The following ADAM12 variants were observed in gnomAD, a reference collection of about 807,000 sequenced individuals.
The protein encoded by ADAM12 is disintegrin and metalloproteinase domain-containing protein 12.
In ADAM12, 70 loss-of-function variants were observed where a neutral mutation model predicts 106.4. The ratio of observed to expected loss-of-function variants is 0.66; its 90% confidence interval spans 0.54 to 0.80. The LOEUF (loss-of-function observed/expected upper bound fraction) is 0.80. Among genes scored for constraint, ADAM12 ranks in the 30% least tolerant of loss-of-function variants. The pLI, the probability that ADAM12 is intolerant of heterozygous loss-of-function variation, is 0.00. For missense variants in ADAM12, 1,010 were observed against 1,171.9 expected (o/e 0.86, Z 2.02); for synonymous variants, 420 against 433.5 (o/e 0.97, Z 0.39).
chr10:126,218,938 C>A (rs1355462183), intron 3 of ADAM12, among the ~76,000 whole-genome samples: 2 of 152,210 alleles, frequency 1.3e-5, no homozygotes, highest in Non-Finnish European at 2.9e-5. Context: ...CTGCATCACG[C>A]CTGACCTCGT....
At chr10:126,149,485 A>G (rs1956690315) in intron 4 of ADAM12, among the ~76,000 whole-genome samples, 1 of 152,194 alleles carries the variant, frequency 6.6e-6, no homozygotes, top group Admixed American at 6.5e-5. Flanking sequence ...AAGGATGCAA[A>G]GTATTATTCC....
intron 3 of ADAM12, among the ~76,000 whole-genome samples, chr10:126,274,377 C>T (rs183046308): frequency 6.6e-6 from 1 of 152,334 alleles, no homozygotes; most frequent in African/African-American, 2.4e-5. Flanking sequence ...AGGTGGCAGT[C>T]ACCTTTTTAG....
At chr10:126,208,381 T>C (rs933400947) in intron 3 of ADAM12, among the ~76,000 whole-genome samples, 2 of 152,088 alleles carry the variant, frequency 1.3e-5, no homozygotes, top group African/African-American at 4.8e-5. Flanking sequence ...CAAGAGTCAA[T>C]AGGGCTGAGG....
At chr10:126,324,409 A>G (rs531449189) in intron 2 of ADAM12, among the ~76,000 whole-genome samples, 2 of 152,284 alleles carry the variant, frequency 1.3e-5, no homozygotes, top group Admixed American at 1.3e-4. Context: ...GCTAAGATGT[A>G]GGGGTGGGGG....
intron 14 of ADAM12, among the ~76,000 whole-genome samples, chr10:126,051,273 A>G (rs1158500532): frequency 6.6e-6 from 1 of 152,130 alleles, no homozygotes; most frequent in Non-Finnish European, 1.5e-5. Context: ...CAATTCAACA[A>G]TTGTTTGTGT....
chr10:126,086,333 G>A (rs1590389155), intron 11 of ADAM12, among the ~76,000 whole-genome samples: 2 of 151,920 alleles, frequency 1.3e-5, no homozygotes, highest in East Asian at 3.9e-4. Context: ...TACTTAGGTC[G>A]GTCTGGAAAA....
Position 126,157,560 on chromosome 10 carries a change from A to G in ADAM12, c.261-2255T>C, listed in dbSNP as rs186247068. Among the ~76,000 whole-genome samples the G allele has an allele frequency of 6.7e-3, 1,025 of 152,324 alleles. 14 individuals are homozygous for G. The highest frequency in any genetic ancestry group is 0.023 in the African/African-American group (937 of 41,566). The stretch of plus-strand genomic sequence containing the variant: ...CCTGGCTTAAATCAGTTAGACCCCG[A>G]TGGCAGGTCTCCGCTGCAGTCTACT... On this transcript the variant is annotated intron_variant, in intron 3 of 22. Coordinates refer to ENST00000448723, the MANE Select transcript of ADAM12 (RefSeq NM_001288973.2).
In ADAM12 at chr10:126,278,897, A is replaced by T; in HGVS notation, c.260+18T>A. ...TCTTAACTTTCTCCTATCATGCAAT[A>T]AACAAGAATTAACTTACTCATTTCT... On this transcript the variant is annotated intron_variant, in intron 3 of 22. Transcript: ENST00000448723. 6.3e-7 allele frequency: 1 copy of T among 1,582,504 alleles called. No individual in the cohort carries two copies. Among genetic ancestry groups the T allele is most frequent in the Non-Finnish European group, 8.7e-7 (1 of 1,154,612 alleles).
At chr10:126,369,965 T>C (rs1856052884) in intron 1 of ADAM12, among the ~76,000 whole-genome samples, 1 of 152,228 alleles carries the variant, frequency 6.6e-6, no homozygotes, top group Non-Finnish European at 1.5e-5. Flanking sequence ...TTGCAGATTA[T>C]ATTGCCTTCT....
chr10:126,366,863 A>G (rs1428080606), intron 1 of ADAM12, among the ~76,000 whole-genome samples: 1 of 152,140 alleles, frequency 6.6e-6, no homozygotes, highest in Non-Finnish European at 1.5e-5. Context: ...AAACAGGTCA[A>G]TTCGTCAAGA....
intron 3 of ADAM12, among the ~76,000 whole-genome samples, chr10:126,159,038 A>G (rs564398667): frequency 1.4e-4 from 21 of 152,278 alleles, no homozygotes; most frequent in South Asian, 1.2e-3. Flanking sequence ...GGCTGGGCAC[A>G]GTGGCTCACG....
chr10:126,280,969 C>T (rs1171412625), intron 2 of ADAM12, among the ~76,000 whole-genome samples: 1 of 152,086 alleles, frequency 6.6e-6, no homozygotes, highest in East Asian at 1.9e-4. Context: ...AAACATGCAC[C>T]ATTTCTTTGT....
chr10:126,264,934 C>T (rs1157547933), intron 3 of ADAM12, among the ~76,000 whole-genome samples: 1 of 152,132 alleles, frequency 6.6e-6, no homozygotes, highest in East Asian at 1.9e-4. Context: ...AAAATTAGGT[C>T]TCTGTAGAGC....
intron 2 of ADAM12, among the ~76,000 whole-genome samples, chr10:126,326,285 G>A (rs1223968728): frequency 1.3e-5 from 2 of 151,846 alleles, no homozygotes; most frequent in African/African-American, 4.8e-5. Context: ...GTTGAACACT[G>A]TTATTTGTAA....
At chr10:126,223,165 G>C (rs1487853127) in intron 3 of ADAM12, among the ~76,000 whole-genome samples, 2 of 152,102 alleles carry the variant, frequency 1.3e-5, no homozygotes, top group Non-Finnish European at 2.9e-5. Context: ...ACAATTTGGG[G>C]GAAGACTTTT....
At chr10:126,359,067 G>C (rs1444691021) in intron 1 of ADAM12, among the ~76,000 whole-genome samples, 2 of 152,164 alleles carry the variant, frequency 1.3e-5, no homozygotes, top group Non-Finnish European at 2.9e-5. Flanking sequence ...GAGAGCCTGT[G>C]CAGGGAAACT....
rs529739248 is a variant in ADAM12 at position 126,385,321 on chromosome 10, C to T, written c.88+2737G>A. Among the ~76,000 whole-genome samples the T allele has an allele frequency of 4.6e-5, 7 of 152,252 alleles. No individual in the cohort carries two copies. The South Asian group carries it at 6.2e-4, about 14-fold the overall frequency. Reference sequence around the variant, plus strand: ...TTGGCGATCAAGTCAACCTTCAATCCGTCTCCCCTCCCTGGAGGTTGCAAG... The same window carrying T: ...TTGGCGATCAAGTCAACCTTCAATCTGTCTCCCCTCCCTGGAGGTTGCAAG... On this transcript the variant is annotated intron_variant, in intron 1 of 22. Coordinates refer to ENST00000448723, the MANE Select transcript of ADAM12 (RefSeq NM_001288973.2).
At chr10:126,211,229 C>T (rs983735061) in intron 3 of ADAM12, among the ~76,000 whole-genome samples, 1 of 152,134 alleles carries the variant, frequency 6.6e-6, no homozygotes, top group African/African-American at 2.4e-5. Context: ...TATACAGAAC[C>T]CATCATTGAG....
rs1294826675 is a variant in ADAM12 at position 126,019,762 on chromosome 10, G to A, written c.2593C>T (p.Arg865Trp). ...GTCCTGGCCAAGGCATGAGTGAGCC[G>A]AGTTGTTCTGGCCAGAGGATCTGCA... is the stretch of plus-strand genomic sequence containing the variant. ...LPADPLARTT[R>W]LTHALARTPG... The change falls in exon 22 of 23, where the codon CGG becomes TGG. Residue 865 changes from arginine to tryptophan, a missense_variant. Transcript: ENST00000448723. 2.5e-6 allele frequency: 4 copies of A among 1,614,146 alleles called. No homozygotes were observed. Among genetic ancestry groups the A allele is most frequent in the Non-Finnish European group, 2.5e-6 (3 of 1,180,028 alleles).
Sources: gnomAD v4.1 joint callset for allele counts (sites outside exome capture counted in the v4.1 genomes callset) on GRCh38, gnomAD v4.1.1 for gene constraint, MANE v1.5 for transcripts, NCBI Gene and HGNC (gene_info 2026-07-23, HGNC 2026-07-21) for gene names.